The following MTERF4 variants were observed in gnomAD, a reference collection of about 807,000 sequenced individuals.
MTERF4 encodes the protein transcription termination factor 4, mitochondrial.
In MTERF4, 17 loss-of-function variants were observed where a neutral mutation model predicts 22.5. That is an observed-to-expected ratio of 0.75 (90% CI 0.52 to 1.13). MTERF4 has a LOEUF of 1.13. Ranked by LOEUF, MTERF4 falls within the 50% of genes most tolerant of loss-of-function variation. The probability of loss-of-function intolerance (pLI) is 0.00; values close to 1 mark genes in which losing one functional copy is unlikely to be tolerated. For synonymous variants in MTERF4, 165 were observed against 175.3 expected (o/e 0.94, Z 0.47); for missense variants, 420 against 466.8 (o/e 0.90, Z 0.92).
intron 1 of MTERF4, chr2:241,101,103 G>A (rs1158876758): frequency 4.4e-6 from 2 of 456,052 alleles, no homozygotes; most frequent in East Asian, 7.2e-5. Context: ...TACATTTGTT[G>A]TGCACTTTAT....
chr2:241,099,840 T>C lies in MTERF4; in HGVS notation c.76A>G (p.Thr26Ala). 1 of 1,613,678 alleles carries C rather than the reference T, an allele frequency of 6.2e-7. No homozygotes were observed. The highest frequency in any genetic ancestry group is 8.5e-7 in the Non-Finnish European group (1 of 1,179,982). ...CTTCTCTGTTCTCCAAGATGAGGAG[T>C]CTGCCTAGCCATACAGGCCCAGGTG... ...PLTWACMARQ[T>A]PHLGEQRRTT... Residue 26 changes from threonine (T) to alanine (A), a missense_variant, in exon 2 of 4, where the codon ACT becomes GCT. Coordinates refer to ENST00000391980, the MANE Select transcript of MTERF4 (RefSeq NM_182501.4).
At chr2:241,055,917 C>T in the MTERF4 span, among the ~76,000 whole-genome samples, 2 of 152,198 alleles carry the variant, frequency 1.3e-5, no homozygotes, top group Non-Finnish European at 2.9e-5. Flanking sequence ...CAACCCAGCT[C>T]AACTCCTAAT....
the MTERF4 span, chr2:241,065,045 TG>T: frequency 9.4e-7 from 1 of 1,059,272 alleles, no homozygotes; most frequent in Non-Finnish European, 1.3e-6. Context: ...GCAGAGCGTC[TG>T]GCCGCTGCTT....
chr2:241,071,988 G>A (rs2062748374), downstream of MTERF4: 1 of 973,600 alleles, frequency 1.0e-6, no homozygotes, highest in African/African-American at 1.6e-5. Flanking sequence ...CGCCAGCGCA[G>A]TCTCCAGCCA....
chr2:241,081,221 G>A (rs2063312846), intron 4 of MTERF4, among the ~76,000 whole-genome samples: 1 of 152,158 alleles, frequency 6.6e-6, no homozygotes, highest in Non-Finnish European at 1.5e-5. Flanking sequence ...AGGAAACACA[G>A]GGGTGGGATC....
chr2:241,090,955 G>A (rs982443341), downstream of MTERF4, among the ~76,000 whole-genome samples: 5 of 151,954 alleles, frequency 3.3e-5, no homozygotes, highest in South Asian at 2.1e-4. Flanking sequence ...TGTCATGCGC[G>A]CGGTCCTTCA....
At chr2:241,061,604 CT>C in the MTERF4 span, among the ~76,000 whole-genome samples, 1 of 152,116 alleles carries the variant, frequency 6.6e-6, no homozygotes, top group Admixed American at 6.6e-5. Flanking sequence ...AGCAAAAAGT[CT>C]AGGCTGGGCG....
downstream of MTERF4, chr2:241,071,718 C>CCCCCCGGAA: frequency 6.7e-7 from 1 of 1,503,682 alleles, no homozygotes; most frequent in Non-Finnish European, 9.0e-7. Context: ...CCCAGCCCCC[C>CCCCCCGGAA]AGGTACATGC....
At chr2:241,049,348 C>T in the MTERF4 span, among the ~76,000 whole-genome samples, 2 of 152,198 alleles carry the variant, frequency 1.3e-5, no homozygotes, top group Non-Finnish European at 2.9e-5. Context: ...GGGGGAAAAG[C>T]ACTTCTGCAA....
intron 2 of MTERF4, among the ~76,000 whole-genome samples, chr2:241,097,850 T>C (rs935349864): frequency 6.6e-6 from 1 of 152,188 alleles, no homozygotes; most frequent in Non-Finnish European, 1.5e-5. Flanking sequence ...ATTGAAGCAT[T>C]CACAACTAAC....
the MTERF4 span, among the ~76,000 whole-genome samples, chr2:241,062,205 A>C: frequency 3.9e-5 from 6 of 152,374 alleles, no homozygotes; most frequent in South Asian, 2.1e-4. Context: ...AGAGATTCTT[A>C]TCGCAAGGGA....
Position 241,095,880 on chromosome 2 carries a change from C to A in MTERF4, c.*118G>T. 6.7e-7 allele frequency: 1 copy of A among 1,502,286 alleles called. No individual in the cohort carries two copies. The highest frequency in any genetic ancestry group is 8.9e-7 in the Non-Finnish European group (1 of 1,128,148). The allele number at this position is 1,502,286 out of a possible 1,614,324, so 93.1% of individuals were successfully genotyped here. ...ACTTATAATTTTTTTCATCAAGAGA[C>A]CAGTTTTAGAATAAAAAATAACTTG... On this transcript the variant is annotated 3_prime_UTR_variant, in exon 4 of 4. Coordinates refer to ENST00000391980, the MANE Select transcript of MTERF4 (RefSeq NM_182501.4).
At position 241,073,417 on chromosome 2, in the gene MTERF4, G is replaced by C; in HGVS notation, n.2745C>G. ...TGGGACTGACTGACTGCTCTCAGGG[G>C]CCTTAGAGGCTGCAGGCAGGAGGGA... is the stretch of plus-strand genomic sequence containing the variant. On this transcript the variant is annotated non_coding_transcript_exon_variant, in exon 5 of 5. Transcript: ENST00000464344. The surrounding 1 kb of genome is among the most constrained non-coding windows in gnomAD (Gnocchi z 6.6). The C allele has an allele frequency of 7.0e-7, 1 of 1,426,712 alleles. No individual in the cohort carries two copies. The highest frequency in any genetic ancestry group is 9.7e-7 in the Non-Finnish European group (1 of 1,033,426). 88.4% of individuals were successfully genotyped at this position (1,426,712 alleles called of 1,614,324 possible).
chr2:241,101,201 CCTA>C (rs752487422), intron 1 of MTERF4: 197 of 466,856 alleles, frequency 4.2e-4, no homozygotes, highest in Middle Eastern at 2.0e-3. Flanking sequence ...AGCTTGTTTT[CCTA>C]CAACCAGGAG....
At chr2:241,067,461 T>C (rs535815091), downstream of MTERF4, among the ~76,000 whole-genome samples, 11 of 152,312 alleles carry the variant, frequency 7.2e-5, no homozygotes, top group East Asian at 1.9e-3. Context: ...CTCCGGCCCA[T>C]CCCCTGCCAT....
exon 5 of MTERF4, chr2:241,072,542 C>T (rs1485903837): frequency 3.1e-6 from 1 of 321,436 alleles, no homozygotes; most frequent in Non-Finnish European, 6.0e-6. Flanking sequence ...AGCCTAGTCA[C>T]CAGTTTAATG....
At chr2:241,069,860 G>A (rs1575049970), downstream of MTERF4, 3 of 1,569,282 alleles carry the variant, frequency 1.9e-6, no homozygotes, top group East Asian at 4.5e-5. The surrounding 1 kb of genome is among the most constrained non-coding windows in gnomAD (Gnocchi z 4.9). Context: ...CTCAAACCGT[G>A]TTCTTGCCAG....
chr2:241,055,792 T>C, the MTERF4 span, among the ~76,000 whole-genome samples: 2 of 152,152 alleles, frequency 1.3e-5, no homozygotes, highest in South Asian at 4.1e-4. Flanking sequence ...CAGAGATAGA[T>C]TTCATAGTCT....
intron 4 of MTERF4, among the ~76,000 whole-genome samples, chr2:241,081,463 A>G (rs768779569): frequency 3.4e-4 from 52 of 152,114 alleles, no homozygotes; most frequent in Non-Finnish European, 7.1e-4. Flanking sequence ...GGCCGAGCAC[A>G]CTGCGGCCTG....
Sources: allele counts gnomAD v4.1 joint callset (sites outside exome capture counted in the v4.1 genomes callset), GRCh38; gene constraint gnomAD v4.1.1; non-coding constraint Gnocchi (gnomAD v3.1); transcripts MANE v1.5; gene names NCBI Gene and HGNC (gene_info 2026-07-23, HGNC 2026-07-21).